The following APOL3 variants were observed in gnomAD, a reference collection of about 807,000 sequenced individuals.
The protein encoded by APOL3 is apolipoprotein L3, also known as TNF-inducible protein CG12-1.
APOL3 carries 14 observed loss-of-function variants against 11.6 expected under a neutral mutation model. The ratio of observed to expected loss-of-function variants is 1.21; its 90% CI spans 0.80 to 1.89. APOL3 has a LOEUF of 1.89. Ranked by LOEUF, APOL3 falls within the 40% of genes most tolerant of loss-of-function variation. The pLI is 0.00. For synonymous variants in APOL3, 192 were observed against 190.6 expected (o/e 1.01, Z -0.06); for missense variants, 483 against 492.1 (o/e 0.98, Z 0.17).
intron 1 of APOL3, among the ~76,000 whole-genome samples, chr22:36,148,238 C>A (rs1009358878): frequency 6.6e-6 from 1 of 152,216 alleles, no homozygotes; most frequent in South Asian, 2.1e-4. Flanking sequence ...GGGAATGAGG[C>A]CCTGCCTGAG....
chr22:36,152,983 T>C (rs2012042016), intron 1 of APOL3, among the ~76,000 whole-genome samples: 1 of 152,106 alleles, frequency 6.6e-6, no homozygotes, highest in Admixed American at 6.6e-5. Context: ...TGGTGGTGCA[T>C]GCCTGTTATC....
chr22:36,149,874 C>T lies in APOL3; in HGVS notation c.224-4275G>A, dbSNP rs115464041. 512 of 456,268 alleles carry T rather than the reference C, an allele frequency of 1.1e-3. 5 individuals are homozygous for T. Among genetic ancestry groups the T allele is most frequent in the African/African-American group, 8.8e-3 (440 of 50,184 alleles). 28.3% of individuals were successfully genotyped at this position (456,268 alleles called of 1,614,324 possible). ...TGGTGCTGTGCTGGACACCCTTTGT[C>T]CCCCTTGCTTCTGCCTGTATGTCCT... On this transcript the variant is annotated intron_variant, in intron 1 of 2. Transcript: ENST00000349314.
intron 2 of APOL3, among the ~76,000 whole-genome samples, chr22:36,143,174 C>A (rs1472379487): frequency 6.6e-6 from 1 of 152,204 alleles, no homozygotes; most frequent in African/African-American, 2.4e-5. Flanking sequence ...TAATGTGATT[C>A]ACAGGAATTT....
chr22:36,149,860 T>C (rs1220207649), intron 1 of APOL3: 1 of 456,212 alleles, frequency 2.2e-6, no homozygotes, highest in Non-Finnish European at 4.4e-6. Context: ...GGTGCTGTGC[T>C]GGACACCCTT....
At chr22:36,162,993 G>C (rs1270294067), upstream of APOL3, among the ~76,000 whole-genome samples, 1 of 152,220 alleles carries the variant, frequency 6.6e-6, no homozygotes, top group African/African-American at 2.4e-5. Context: ...GCATTAGAGA[G>C]GGGGTATATC....
At chr22:36,145,659 G>T in intron 1 of APOL3, 60 bp from the exon 3 acceptor site, 1 of 1,595,546 alleles carries the variant, frequency 6.3e-7, no homozygotes, top group South Asian at 1.1e-5. Flanking sequence ...AAATGGCATT[G>T]AGAATAAGGT....
intron 1 of APOL3, among the ~76,000 whole-genome samples, chr22:36,152,260 A>G (rs1302889709): frequency 1.3e-5 from 2 of 152,316 alleles, no homozygotes; most frequent in Non-Finnish European, 1.5e-5. Flanking sequence ...GGGGGAAAAA[A>G]CAAAGGCAAT....
intron 1 of APOL3, among the ~76,000 whole-genome samples, chr22:36,154,909 A>G (rs1396162229): frequency 6.6e-6 from 1 of 152,164 alleles, no homozygotes; most frequent in Non-Finnish European, 1.5e-5. Context: ...ACTTTCTGCA[A>G]CACCCAATCC....
At chr22:36,141,747 G>T (rs772044285) in exon 3 of APOL3, 20 of 1,613,966 alleles carry the variant, frequency 1.2e-5, no homozygotes, top group Admixed American at 5.0e-5. Context: ...TACCCCAGCT[G>T]CAGTAAGGGC....
chr22:36,145,980 T>TTCTCTCTCCCTCTCTCTCTC (rs2060192178), intron 1 of APOL3, among the ~76,000 whole-genome samples: 2 of 118,710 alleles, frequency 1.7e-5, no homozygotes, highest in African/African-American at 2.9e-5. Flanking sequence ...CTGTCTCTCT[T>TTCTCTCTCCCTCTCTCTCTC]TCTCTCTCTC....
intron 1 of APOL3, among the ~76,000 whole-genome samples, chr22:36,153,807 C>T (rs892940605): frequency 6.6e-6 from 1 of 152,150 alleles, no homozygotes; most frequent in African/African-American, 2.4e-5. Context: ...GACATGTGCC[C>T]AAGGTGGTTG....
rs2059993552 is a variant in APOL3, at chr22:36,141,621, A to T, written c.788T>A (p.Leu263Ter). ...ACGCATAACTTCCTTAAATACCTTC[A>T]ATCGGTCAATGCTGGTTGCAGTCAG... The change falls in exon 3 of 3, where the codon TTG becomes TAG. Residue 263 changes from leucine (L) to a stop codon, truncating the protein, a stop_gained. Coordinates refer to ENST00000349314, the Ensembl canonical transcript of APOL3. LOFTEE classifies it low-confidence loss of function (END_TRUNC). 6.2e-7 allele frequency: 1 copy of T among 1,614,214 alleles called. No individual in the cohort carries two copies. The highest frequency in any genetic ancestry group is 8.5e-7 in the Non-Finnish European group (1 of 1,180,046).
At chr22:36,161,880 TTGTC>T (rs887988228), upstream of APOL3, among the ~76,000 whole-genome samples, 3 of 152,118 alleles carry the variant, frequency 2.0e-5, no homozygotes, top group African/African-American at 7.2e-5. Context: ...TGTCAGGTAA[TTGTC>T]AGTCAGCCGT....
In APOL3 at chr22:36,160,868, G is replaced by A. The variant is rs763573114; in HGVS notation, c.24C>T (p.Gly8=). 27 of 1,614,016 alleles carry A rather than the reference G, an allele frequency of 1.7e-5. No individual in the cohort carries two copies. The South Asian group carries it at 2.9e-4, about 17-fold the overall frequency. ...AACATGCAAAACAGGATGCTTCCCA[G>A]CCCCACCCTTGGCCCAGTCCCATCC... The change falls in exon 1 of 3, where the codon GGC becomes GGT. Residue 8 remains glycine, a synonymous_variant. Coordinates refer to ENST00000349314, the Ensembl canonical transcript of APOL3.
At chr22:36,164,319 C>G (rs1258162692), upstream of APOL3, among the ~76,000 whole-genome samples, 1 of 152,120 alleles carries the variant, frequency 6.6e-6, no homozygotes, top group Non-Finnish European at 1.5e-5. Flanking sequence ...GTTAACCGAC[C>G]AGAATAAGCT....
intron 1 of APOL3, among the ~76,000 whole-genome samples, chr22:36,158,553 C>T (rs1293462535): frequency 1.3e-5 from 2 of 152,208 alleles, no homozygotes; most frequent in Non-Finnish European, 2.9e-5. Context: ...GGCACGGTGG[C>T]TCATGCCTGT....
intron 2 of APOL3, 99 bp from the exon 4 acceptor site, chr22:36,142,157 A>G (rs2060021671): frequency 3.8e-6 from 5 of 1,302,298 alleles, no homozygotes; most frequent in Non-Finnish European, 5.2e-6. Context: ...AGCTATTACT[A>G]TGAGTCAAAT....
At chr22:36,157,218 G>A (rs1300721526) in intron 1 of APOL3, among the ~76,000 whole-genome samples, 2 of 152,094 alleles carry the variant, frequency 1.3e-5, no homozygotes, top group African/African-American at 2.4e-5. Flanking sequence ...CCTCCCCCAC[G>A]GCAATGGCCC....
At chr22:36,146,510 C>G (rs2060226508) in intron 1 of APOL3, 1 of 151,858 alleles carries the variant, frequency 6.6e-6, no homozygotes, top group Admixed American at 6.6e-5. Flanking sequence ...GTATTGAACA[C>G]AGCAAGAGTG....
Sources: allele counts gnomAD v4.1 joint callset (sites outside exome capture counted in the v4.1 genomes callset), GRCh38; gene constraint gnomAD v4.1.1; transcripts MANE v1.5; gene names NCBI Gene and HGNC (gene_info 2026-07-23, HGNC 2026-07-21).